CHIC2: variants seen among roughly 807,000 people sequenced by gnomAD.
CHIC2 encodes the protein cysteine rich hydrophobic domain 2.
CHIC2 carries 14 observed loss-of-function variants against 25.9 expected under a neutral mutation model. That is an observed-to-expected ratio of 0.54 (90% CI 0.36 to 0.85). CHIC2 has a LOEUF of 0.85. Ranked by LOEUF, CHIC2 falls within the 40% of genes least tolerant of loss-of-function variation. CHIC2 has a pLI of 0.01. For synonymous variants in CHIC2, 70 were observed against 72.0 expected (o/e 0.97, Z 0.14); for missense variants, 146 against 202.0 (o/e 0.72, Z 1.68).
chr4:54,014,788 C>G (rs1010159847), intron 3 of CHIC2, among the ~76,000 whole-genome samples: 1 of 152,052 alleles, frequency 6.6e-6, no homozygotes, highest in Non-Finnish European at 1.5e-5. Flanking sequence ...ATATGCTATG[C>G]TGCATGAAAT....
At chr4:54,060,273 T>C (rs1383042338) in intron 1 of CHIC2, 1 of 152,156 alleles carries the variant, frequency 6.6e-6, no homozygotes, top group African/African-American at 2.4e-5. Flanking sequence ...ATAACATATC[T>C]GGAATGAAAA....
intron 3 of CHIC2, among the ~76,000 whole-genome samples, chr4:54,023,353 ACT>A (rs1715961849): frequency 6.6e-6 from 1 of 151,436 alleles, no homozygotes; most frequent in African/African-American, 2.4e-5. Context: ...TGCTCAACTC[ACT>A]CTCTACAGTT....
At chr4:54,018,836 AC>A (rs1218650265) in intron 3 of CHIC2, among the ~76,000 whole-genome samples, 2 of 152,052 alleles carry the variant, frequency 1.3e-5, no homozygotes, top group Non-Finnish European at 2.9e-5. Flanking sequence ...ATTTATTCAT[AC>A]CATCACAAAA....
intron 3 of CHIC2, among the ~76,000 whole-genome samples, chr4:54,044,116 T>C (rs1716688378): frequency 6.6e-6 from 1 of 152,148 alleles, no homozygotes; most frequent in Non-Finnish European, 1.5e-5. Context: ...ATCCTAAATA[T>C]ACATGCACCC....
rs1249800964 is a variant in CHIC2, at chr4:54,042,920, C to A, written c.330+6035G>T. On this transcript the variant is annotated intron_variant, in intron 3 of 5. Transcript: ENST00000263921. ...ATATCTTTTATTTTATAACAGAAAT[C>A]AAGGGACAAAGAGAATTTGATCATC... Among the ~76,000 whole-genome samples the A allele has an allele frequency of 2.6e-5, 4 of 152,232 alleles. No individual in the cohort carries two copies. In the South Asian group the frequency reaches 8.3e-4, roughly 32 times the overall value.
chr4:54,019,402 G>A (rs1001037837), intron 3 of CHIC2, among the ~76,000 whole-genome samples: 8 of 152,022 alleles, frequency 5.3e-5, no homozygotes, highest in Non-Finnish European at 7.4e-5. Flanking sequence ...TTTGTTAAAA[G>A]TAATATTTTT....
intron 1 of CHIC2, among the ~76,000 whole-genome samples, chr4:54,053,556 C>CA (rs59889546): frequency 0.024 from 1,749 of 71,668 alleles, 19 homozygotes; most frequent in African/African-American, 0.046. Context: ...GACTCAGTCT[C>CA]AAAAAAAAAA....
At chr4:54,040,675 C>A (rs1716543818) in intron 3 of CHIC2, among the ~76,000 whole-genome samples, 1 of 140,286 alleles carries the variant, frequency 7.1e-6, no homozygotes, top group Non-Finnish European at 1.5e-5. Context: ...TGCACTCCAG[C>A]CTGGGTGATA....
intron 3 of CHIC2, among the ~76,000 whole-genome samples, chr4:54,025,520 G>A (rs1020109680): frequency 6.6e-6 from 1 of 152,126 alleles, no homozygotes; most frequent in Non-Finnish European, 1.5e-5. Flanking sequence ...CCTGTTTGGT[G>A]GTCTCTTCGC....
At chr4:54,050,199 A>T (rs947078664) in intron 1 of CHIC2, among the ~76,000 whole-genome samples, 1 of 152,098 alleles carries the variant, frequency 6.6e-6, no homozygotes, top group African/African-American at 2.4e-5. Context: ...ATCACACACG[A>T]GACCAATTTT....
chr4:54,058,595 C>CAA (rs1553887483), intron 1 of CHIC2, among the ~76,000 whole-genome samples: 5 of 147,744 alleles, frequency 3.4e-5, no homozygotes, highest in Admixed American at 6.8e-5. Context: ...CACACACACA[C>CAA]AATCTTACAC....
At chr4:54,025,259 GC>G (rs1415866396) in intron 3 of CHIC2, among the ~76,000 whole-genome samples, 1 of 152,180 alleles carries the variant, frequency 6.6e-6, no homozygotes, top group East Asian at 1.9e-4. Flanking sequence ...TGATGTTTCT[GC>G]CCCACCTTAA....
chr4:54,051,753 T>C (rs1717013590), intron 1 of CHIC2, among the ~76,000 whole-genome samples: 1 of 152,158 alleles, frequency 6.6e-6, no homozygotes, highest in South Asian at 2.1e-4. Flanking sequence ...TCAGGCTCCT[T>C]AAACATAGCC....
At chr4:54,022,849 C>G (rs112002366) in intron 3 of CHIC2, among the ~76,000 whole-genome samples, 4,020 of 152,280 alleles carry the variant, frequency 0.026, 164 homozygotes, top group African/African-American at 0.089. Context: ...TTGCCTGTTA[C>G]AGCATGGCCT....
the CHIC2 span, among the ~76,000 whole-genome samples, chr4:54,079,045 C>T: frequency 4.0e-5 from 6 of 151,454 alleles, no homozygotes; most frequent in Admixed American, 6.6e-5. Flanking sequence ...GGTGAAACCC[C>T]GCCTCTACTA....
At chr4:54,058,559 TACAC>T (rs36034143) in intron 1 of CHIC2, among the ~76,000 whole-genome samples, 12,468 of 138,422 alleles carry the variant, frequency 0.09, 1,490 homozygotes, top group African/African-American at 0.28. Context: ...TACACACACA[TACAC>T]ACACACACAC....
At chr4:54,032,981 G>T (rs946044139) in intron 3 of CHIC2, among the ~76,000 whole-genome samples, 1 of 152,136 alleles carries the variant, frequency 6.6e-6, no homozygotes, top group East Asian at 1.9e-4. Context: ...TCAAGATCCG[G>T]TTTTTTAAAA....
upstream of CHIC2, among the ~76,000 whole-genome samples, chr4:54,068,776 G>A (rs1717564464): frequency 6.6e-6 from 1 of 152,176 alleles, no homozygotes; most frequent in Non-Finnish European, 1.5e-5. Flanking sequence ...TCTACCTGGA[G>A]ATAGCATCAA....
the CHIC2 span, among the ~76,000 whole-genome samples, chr4:54,084,959 C>CAAAAAAAAAAAAAAAAAAAAAAAAA: frequency 2.0e-4 from 12 of 58,912 alleles, no homozygotes; most frequent in Non-Finnish European, 3.2e-4. Flanking sequence ...TGCTCTGTCT[C>CAAAAAAAAAAAAAAAAAAAAAAAAA]AAAAAAAAAA....
Sources: allele counts gnomAD v4.1 joint callset (sites outside exome capture counted in the v4.1 genomes callset), GRCh38; gene constraint gnomAD v4.1.1; transcripts MANE v1.5; gene names NCBI Gene and HGNC (gene_info 2026-07-23, HGNC 2026-07-21).